Variants in PAK5 observed in about 807,000 individuals in gnomAD.
PAK5 encodes p21 (RAC1) activated kinase 5.
PAK5 carries 16 observed loss-of-function variants against 65.9 expected under a neutral mutation model. The ratio of observed to expected loss-of-function variants is 0.24; its 90% CI spans 0.16 to 0.37. The LOEUF is 0.37. Among genes scored for constraint, PAK5 ranks in the 10% least tolerant of loss-of-function variants. The pLI is 1.00. For synonymous variants in PAK5, 371 were observed against 354.9 expected, an observed-to-expected ratio of 1.05 and a Z score of -0.51; for missense variants, 785 against 903.9, an observed-to-expected ratio of 0.87 and a Z score of 1.69.
chr20:9,749,850 A>T (rs760838761), intron 1 of PAK5, among the ~76,000 whole-genome samples: 18 of 152,178 alleles, frequency 1.2e-4, no homozygotes, highest in Non-Finnish European at 1.8e-4. Flanking sequence ...AATGATTTAC[A>T]TGGTAGCCCA....
At chr20:9,761,774 C>G (rs1237238823) in intron 1 of PAK5, among the ~76,000 whole-genome samples, 3 of 152,074 alleles carry the variant, frequency 2.0e-5, no homozygotes, top group Non-Finnish European at 4.4e-5. Context: ...ATCTATACAT[C>G]TCTTGTAACA....
rs550612574 is a variant in PAK5, at chr20:9,540,292, T to C, written c.2005-675A>G. Among the ~76,000 whole-genome samples, 5 of 152,240 alleles carry C rather than the reference T, an allele frequency of 3.3e-5. No homozygotes were observed. The East Asian group carries it at 9.7e-4, about 29-fold the overall frequency. On this transcript the variant is annotated intron_variant, in intron 9 of 9. Coordinates refer to ENST00000353224, the MANE Select transcript of PAK5 (RefSeq NM_177990.4). ...GGCTCAATGGATTTTTACATACATTTACCCCTATTTACTTTCCACTCCTAT... is the reference window on the plus strand; with the variant it reads ...GGCTCAATGGATTTTTACATACATTCACCCCTATTTACTTTCCACTCCTAT...
chr20:9,744,166 A>T (rs536486180), intron 1 of PAK5, among the ~76,000 whole-genome samples: 2 of 152,306 alleles, frequency 1.3e-5, no homozygotes, highest in South Asian at 4.1e-4. Flanking sequence ...TAGGTCATTG[A>T]TAATAACTTC....
rs189761196 is a variant in PAK5, at chr20:9,547,951, T to A, written c.1744-3457A>T. Among the ~76,000 whole-genome samples, 10 of 152,274 alleles carry A rather than the reference T, an allele frequency of 6.6e-5. No individual in the cohort carries two copies. The East Asian group carries it at 1.9e-3, about 29-fold the overall frequency. On this transcript the variant is annotated intron_variant, in intron 7 of 9. Coordinates refer to ENST00000353224, the MANE Select transcript of PAK5 (RefSeq NM_177990.4). ...AGGAGGTCACATGAACAGGTGGGGA[T>A]AAGGGGGCATTTGTTTGCACAGAGT...
chr20:9,747,477 C>T (rs1413917702), intron 1 of PAK5, among the ~76,000 whole-genome samples: 2 of 151,452 alleles, frequency 1.3e-5, no homozygotes, highest in African/African-American at 4.9e-5. Context: ...CATCAAAAAG[C>T]TTATCCACCA....
intron 1 of PAK5, among the ~76,000 whole-genome samples, chr20:9,807,702 T>G (rs1375300172): frequency 6.6e-6 from 1 of 151,400 alleles, no homozygotes. Context: ...GGGGGCCTTG[T>G]GGCTAGGTTT....
At chr20:9,617,549 C>CTTTTTTTTT (rs532259417) in intron 3 of PAK5, among the ~76,000 whole-genome samples, 4 of 94,614 alleles carry the variant, frequency 4.2e-5, no homozygotes, top group Non-Finnish European at 6.1e-5. Context: ...AATCCCAATC[C>CTTTTTTTTT]TTTTTTTTTT....
At position 9,838,014 on chromosome 20, in the gene PAK5, A is replaced by G. The variant is rs905417704; in HGVS notation, c.-162+748T>C. The stretch of plus-strand genomic sequence containing the variant: ...AGAAGGGCGATCGCGCTTATCCTCC[A>G]AACTGAGCAGTGATGATCCCTGGAC... On this transcript the variant is annotated intron_variant, in intron 1 of 9. Coordinates refer to ENST00000353224, the MANE Select transcript of PAK5 (RefSeq NM_177990.4). This position sits in a 1 kb window ranked among gnomAD's most constrained non-coding sequence, Gnocchi z 4.5. Among the ~76,000 whole-genome samples the G allele has an allele frequency of 5.3e-5, 8 of 152,190 alleles. No homozygotes were observed. The highest frequency in any genetic ancestry group is 9.6e-5 in the African/African-American group (4 of 41,452).
intron 1 of PAK5, among the ~76,000 whole-genome samples, chr20:9,712,950 G>A (rs2048095466): frequency 6.6e-6 from 1 of 152,046 alleles, no homozygotes; most frequent in Non-Finnish European, 1.5e-5. Flanking sequence ...ACAAGACATT[G>A]GTCTAGGCAA....
intron 1 of PAK5, among the ~76,000 whole-genome samples, chr20:9,726,226 A>C (rs941232156): frequency 6.6e-6 from 1 of 152,192 alleles, no homozygotes; most frequent in African/African-American, 2.4e-5. Flanking sequence ...CCTAAGTTTG[A>C]ATCCACAGAC....
chr20:9,827,893 G>A (rs1223165593), intron 1 of PAK5, among the ~76,000 whole-genome samples: 4 of 152,146 alleles, frequency 2.6e-5, no homozygotes, highest in East Asian at 1.9e-4. Flanking sequence ...GTGCAGTGGC[G>A]TGATCTCAGC....
chr20:9,601,375 G>C (rs1174139283), intron 3 of PAK5, among the ~76,000 whole-genome samples: 3 of 152,014 alleles, frequency 2.0e-5, no homozygotes, highest in Admixed American at 6.6e-5. Flanking sequence ...AAACAGAAAG[G>C]GTTGGTTCTA....
At chr20:9,612,429 C>G (rs544977780) in intron 3 of PAK5, among the ~76,000 whole-genome samples, 1 of 152,250 alleles carries the variant, frequency 6.6e-6, no homozygotes, top group South Asian at 2.1e-4. Context: ...CTGGCATCTG[C>G]TCAGCTTCTG....
At chr20:9,713,490 C>A (rs1569054423) in intron 1 of PAK5, among the ~76,000 whole-genome samples, 1 of 152,008 alleles carries the variant, frequency 6.6e-6, no homozygotes, top group Non-Finnish European at 1.5e-5. Flanking sequence ...AACTACCATA[C>A]AATCCAGCAA....
At chr20:9,726,799 T>G (rs1296391245) in intron 1 of PAK5, among the ~76,000 whole-genome samples, 1 of 152,156 alleles carries the variant, frequency 6.6e-6, no homozygotes, top group East Asian at 1.9e-4. Context: ...AACCTGCACA[T>G]TCTGCACATG....
chr20:9,794,549 T>C (rs1011659856), intron 1 of PAK5, among the ~76,000 whole-genome samples: 1 of 151,906 alleles, frequency 6.6e-6, no homozygotes. Flanking sequence ...AGTTAGAACA[T>C]TTAGTTAGAG....
intron 3 of PAK5, among the ~76,000 whole-genome samples, chr20:9,620,778 C>A (rs1217842636): frequency 6.6e-6 from 1 of 152,060 alleles, no homozygotes; most frequent in Non-Finnish European, 1.5e-5. Context: ...CTCCGTGCAT[C>A]TCAATGGGGA....
At chr20:9,654,699 T>A (rs1202279025) in intron 2 of PAK5, among the ~76,000 whole-genome samples, 1 of 152,228 alleles carries the variant, frequency 6.6e-6, no homozygotes, top group East Asian at 1.9e-4. Flanking sequence ...ACAAGGCTCC[T>A]GGGGACCACC....
intron 3 of PAK5, among the ~76,000 whole-genome samples, chr20:9,607,865 A>G (rs2046483869): frequency 6.6e-6 from 1 of 152,170 alleles, no homozygotes; most frequent in Non-Finnish European, 1.5e-5. Context: ...GAGAAAAAGA[A>G]AATGATGCTT....
Sources: allele counts gnomAD v4.1 joint callset (sites outside exome capture counted in the v4.1 genomes callset), GRCh38; gene constraint gnomAD v4.1.1; non-coding constraint Gnocchi (gnomAD v3.1); transcripts MANE v1.5; gene names NCBI Gene and HGNC (gene_info 2026-07-23, HGNC 2026-07-21).